Variants in TASP1 observed in about 807,000 individuals in gnomAD.
TASP1 encodes the protein taspase 1, also known as threonine aspartase 1.
Under a neutral mutation model 56.6 loss-of-function variants are expected in TASP1, and 16 were observed. That is an observed-to-expected ratio of 0.28 (90% CI 0.19 to 0.43). TASP1 has a LOEUF of 0.43. Ranked by LOEUF, TASP1 falls within the 20% of genes least tolerant of loss-of-function variation. The pLI is 1.00. For synonymous variants in TASP1, 179 were observed against 184.2 expected (o/e 0.97, Z 0.23); for missense variants, 393 against 511.6 (o/e 0.77, Z 2.24).
the TASP1 span, among the ~76,000 whole-genome samples, chr20:13,295,999 A>T: frequency 6.6e-6 from 1 of 152,216 alleles, no homozygotes. Flanking sequence ...TCCTTGAAGC[A>T]ACCCTGACTT....
At chr20:13,190,213 T>C in the TASP1 span, among the ~76,000 whole-genome samples, 1 of 152,240 alleles carries the variant, frequency 6.6e-6, no homozygotes, top group South Asian at 2.1e-4. Flanking sequence ...ATTTGGGTGA[T>C]GGGTTTAATA....
chr20:13,214,544 C>CAGAGAGAGAGAGAG, the TASP1 span, among the ~76,000 whole-genome samples: 1 of 131,896 alleles, frequency 7.6e-6, no homozygotes, highest in African/African-American at 3.4e-5. Context: ...CACACACACA[C>CAGAGAGAGAGAGAG]ACACACACAC....
intron 11 of TASP1, among the ~76,000 whole-genome samples, chr20:13,444,794 G>T (rs1359552388): frequency 3.3e-5 from 5 of 152,140 alleles, no homozygotes; most frequent in Non-Finnish European, 7.3e-5. Context: ...TAGGCATATG[G>T]AGGTAAATGA....
At chr20:13,265,647 T>G in the TASP1 span, among the ~76,000 whole-genome samples, 3 of 152,200 alleles carry the variant, frequency 2.0e-5, no homozygotes, top group Admixed American at 2.0e-4. Flanking sequence ...TTCCTTTTGG[T>G]GAGGAAAAAC....
chr20:13,627,091 TTAAG>T (rs1251269615), intron 2 of TASP1, among the ~76,000 whole-genome samples: 1 of 152,148 alleles, frequency 6.6e-6, no homozygotes, highest in African/African-American at 2.4e-5. Context: ...GCTATTTCAT[TTAAG>T]TAACCATAAA....
the TASP1 span, among the ~76,000 whole-genome samples, chr20:13,373,854 C>T: frequency 1.3e-5 from 2 of 152,022 alleles, no homozygotes; most frequent in Non-Finnish European, 2.9e-5. Context: ...TCTTTCTTTT[C>T]TTCTTCTAGT....
At chr20:13,369,075 A>T in the TASP1 span, among the ~76,000 whole-genome samples, 1 of 152,240 alleles carries the variant, frequency 6.6e-6, no homozygotes, top group Non-Finnish European at 1.5e-5. Context: ...TTTGAGGTTG[A>T]AGTAATGGTG....
chr20:13,604,314 T>C (rs1028974586), intron 4 of TASP1, among the ~76,000 whole-genome samples: 4 of 152,164 alleles, frequency 2.6e-5, no homozygotes, highest in African/African-American at 7.2e-5. Context: ...CAGTAATTAG[T>C]AAGTTTTCAC....
chr20:13,187,700 C>T, the TASP1 span, among the ~76,000 whole-genome samples: 388 of 131,764 alleles, frequency 2.9e-3, 9 homozygotes, highest in South Asian at 0.06. Flanking sequence ...GACCACTGCA[C>T]TCCAGCCTGG....
At chr20:13,468,221 T>G (rs972064245) in intron 11 of TASP1, among the ~76,000 whole-genome samples, 1 of 148,254 alleles carries the variant, frequency 6.7e-6, no homozygotes, top group African/African-American at 2.5e-5. Context: ...AAAGATACTC[T>G]GAGCTTACCC....
chr20:13,442,567 C>T (rs967937795), intron 11 of TASP1, among the ~76,000 whole-genome samples: 11 of 151,956 alleles, frequency 7.2e-5, no homozygotes, highest in South Asian at 2.1e-4. Context: ...GCTTGAACCC[C>T]GGAGGTGGAG....
chr20:13,225,011 AATTT>A, the TASP1 span, among the ~76,000 whole-genome samples: 2,455 of 132,320 alleles, frequency 0.019, 66 homozygotes, highest in African/African-American at 0.063. Flanking sequence ...ACGCCCGGCT[AATTT>A]TTTTTTTTTT....
chr20:13,576,256 A>C, intron 6 of TASP1, among the ~76,000 whole-genome samples: 1 of 147,562 alleles, frequency 6.8e-6, no homozygotes, highest in Non-Finnish European at 1.5e-5. Context: ...AGGGAAGATA[A>C]GAGAAGAGAA....
chr20:13,353,247 CAA>C, the TASP1 span, among the ~76,000 whole-genome samples: 4,298 of 111,054 alleles, frequency 0.039, 98 homozygotes, highest in African/African-American at 0.06. Context: ...GATTTTGTCT[CAA>C]AAAAAAAAAA....
At chr20:13,581,461 T>C (rs111421834) in intron 5 of TASP1, among the ~76,000 whole-genome samples, 1 of 152,102 alleles carries the variant, frequency 6.6e-6, no homozygotes, top group African/African-American at 2.4e-5. Flanking sequence ...GGGGGAAAAA[T>C]AAGCCAAAAA....
At chr20:13,424,579 C>G (rs568236111) in intron 12 of TASP1, among the ~76,000 whole-genome samples, 1 of 151,994 alleles carries the variant, frequency 6.6e-6, no homozygotes, top group African/African-American at 2.4e-5. Flanking sequence ...TGAAGTGACA[C>G]ATCTGAGCCT....
At chr20:13,197,709 G>A in the TASP1 span, among the ~76,000 whole-genome samples, 1 of 152,142 alleles carries the variant, frequency 6.6e-6, no homozygotes. Flanking sequence ...TATAAGTTAT[G>A]AGAGAAATTG....
the TASP1 span, among the ~76,000 whole-genome samples, chr20:13,203,324 T>C: frequency 8.9e-3 from 1,350 of 152,334 alleles, 16 homozygotes; most frequent in Non-Finnish European, 0.015. Flanking sequence ...ATAATGCCAC[T>C]ACTTGAACTC....
At chr20:13,573,047 A>T (rs1461077220) in intron 6 of TASP1, among the ~76,000 whole-genome samples, 2 of 152,246 alleles carry the variant, frequency 1.3e-5, no homozygotes, top group Non-Finnish European at 2.9e-5. Context: ...CTTCATAAAT[A>T]CAAAAAACTG....
Sources: gnomAD v4.1 joint callset for allele counts (sites outside exome capture counted in the v4.1 genomes callset) on GRCh38, gnomAD v4.1.1 for gene constraint, MANE v1.5 for transcripts, NCBI Gene and HGNC (gene_info 2026-07-23, HGNC 2026-07-21) for gene names.